The following LRCH1 variants were observed in gnomAD, a reference collection of about 807,000 sequenced individuals.
LRCH1 encodes leucine rich repeats and calponin homology domain containing 1.
Under a neutral mutation model 94.9 loss-of-function variants are expected in LRCH1, and 23 were observed. The ratio of observed to expected loss-of-function variants is 0.24; its 90% confidence interval spans 0.17 to 0.34. The LOEUF (loss-of-function observed/expected upper bound fraction) is 0.34. Among genes scored for constraint, LRCH1 ranks in the 10% least tolerant of loss-of-function variants. The pLI, the probability that LRCH1 is intolerant of heterozygous loss-of-function variation, is 1.00. For missense variants in LRCH1, 790 were observed against 945.9 expected (o/e 0.84, Z 2.16); for synonymous variants, 364 against 354.9 (o/e 1.03, Z -0.29).
chr13:46,687,148 G>A (rs762261092), intron 5 of LRCH1, among the ~76,000 whole-genome samples: 19 of 151,784 alleles, frequency 1.3e-4, no homozygotes, highest in Admixed American at 2.6e-4. Flanking sequence ...TAGTAGAGAC[G>A]AGATTTCACC....
At chr13:46,644,957 G>A (rs1289804966) in intron 1 of LRCH1, among the ~76,000 whole-genome samples, 2 of 152,198 alleles carry the variant, frequency 1.3e-5, no homozygotes, top group African/African-American at 4.8e-5. Flanking sequence ...TCAGCTAGCA[G>A]GACTAATCTC....
At chr13:46,683,652 TTTGCAA>T (rs1342412806) in intron 4 of LRCH1, among the ~76,000 whole-genome samples, 1 of 152,212 alleles carries the variant, frequency 6.6e-6, no homozygotes, top group African/African-American at 2.4e-5. Flanking sequence ...ATTTGATCAT[TTTGCAA>T]TTGCCTGTCA....
At chr13:46,722,166 A>G (rs1416027612) in intron 16 of LRCH1, among the ~76,000 whole-genome samples, 2 of 152,214 alleles carry the variant, frequency 1.3e-5, no homozygotes, top group Non-Finnish European at 2.9e-5. Context: ...TTAAATCATC[A>G]TGATTGAAAC....
At chr13:46,695,260 A>G (rs1316934658) in intron 9 of LRCH1, among the ~76,000 whole-genome samples, 4 of 152,226 alleles carry the variant, frequency 2.6e-5, no homozygotes, top group African/African-American at 7.2e-5. Flanking sequence ...TACTCAGTGC[A>G]TCGTACAAAT....
intron 1 of LRCH1, among the ~76,000 whole-genome samples, chr13:46,604,146 A>C (rs1433543399): frequency 6.6e-6 from 1 of 152,220 alleles, no homozygotes; most frequent in Non-Finnish European, 1.5e-5. Context: ...ATAAATAACT[A>C]CTTTTTTTTT....
chr13:46,635,894 A>C (rs1167524646), intron 1 of LRCH1, among the ~76,000 whole-genome samples: 9 of 151,390 alleles, frequency 5.9e-5, no homozygotes, highest in African/African-American at 2.2e-4. Flanking sequence ...CTTCCCCCAT[A>C]CCATGCCCCT....
intron 1 of LRCH1, among the ~76,000 whole-genome samples, chr13:46,592,232 A>G (rs1173131669): frequency 6.6e-6 from 1 of 152,154 alleles, no homozygotes; most frequent in East Asian, 1.9e-4. Flanking sequence ...TCAAAACAGG[A>G]GTATTCCTGA....
chr13:46,626,909 T>C (rs1449372175), intron 1 of LRCH1, among the ~76,000 whole-genome samples: 1 of 152,244 alleles, frequency 6.6e-6, no homozygotes, highest in Non-Finnish European at 1.5e-5. Flanking sequence ...ACTTCCTGTT[T>C]TATTATAAAT....
At chr13:46,634,122 C>T (rs2051053055) in intron 1 of LRCH1, among the ~76,000 whole-genome samples, 1 of 152,180 alleles carries the variant, frequency 6.6e-6, no homozygotes. Flanking sequence ...TCGTGATCTG[C>T]CCGCCTCAGC....
intron 13 of LRCH1, among the ~76,000 whole-genome samples, chr13:46,706,767 A>AAT (rs56070792): frequency 1.3e-5 from 2 of 151,480 alleles, no homozygotes; most frequent in African/African-American, 4.9e-5. Context: ...AGTTGTAAAA[A>AAT]TTTGCAGTGT....
At chr13:46,597,386 T>TA (rs2050576355) in intron 1 of LRCH1, among the ~76,000 whole-genome samples, 3 of 152,060 alleles carry the variant, frequency 2.0e-5, no homozygotes, top group Admixed American at 1.3e-4. Flanking sequence ...GATGGAGTCT[T>TA]ACTCTTGTCG....
intron 1 of LRCH1, among the ~76,000 whole-genome samples, chr13:46,589,156 C>T (rs1028526193): frequency 1.3e-5 from 2 of 152,028 alleles, no homozygotes; most frequent in African/African-American, 4.8e-5. Flanking sequence ...CCCACCTCAG[C>T]CTCCCAAGTA....
At chr13:46,748,037 C>T (rs1263652373), downstream of LRCH1, among the ~76,000 whole-genome samples, 3 of 152,194 alleles carry the variant, frequency 2.0e-5, no homozygotes. Context: ...CCACCATACA[C>T]ATTGTTCCCT....
intron 16 of LRCH1, chr13:46,717,721 C>A (rs1188882487): frequency 6.6e-6 from 1 of 152,148 alleles, no homozygotes; most frequent in Non-Finnish European, 1.5e-5. Context: ...TTTATTTATA[C>A]ATTTAGTTAT....
chr13:46,573,866 A>ATATATATATATATATATATATATATT lies in LRCH1; in HGVS notation c.307+20164_307+20165insATATATATATATATATATATATATTT. The stretch of plus-strand genomic sequence containing the variant: ...GTCAAATATATATATATATATATAT[A>ATATATATATATATATATATATATATT]TTTTTTTTTTTTTTGAGATGGAGTC... On this transcript the variant is annotated intron_variant, in intron 1 of 19. Coordinates refer to ENST00000389797, the MANE Select transcript of LRCH1 (RefSeq NM_001164211.2). Among the ~76,000 whole-genome samples, 285 of 63,138 alleles carry ATATATATATATATATATATATATATT rather than the reference A, an allele frequency of 4.5e-3. 4 individuals carry two copies. Among genetic ancestry groups the ATATATATATATATATATATATATATT allele is most frequent in the Middle Eastern group, 9.4e-3 (1 of 106 alleles). The allele number at this position is 63,138 out of a possible 152,430, so 41.4% of individuals were successfully genotyped here.
Position 46,649,963 on chromosome 13 carries a change from A to G in LRCH1, c.308-238A>G, listed in dbSNP as rs940890225. On this transcript the variant is annotated intron_variant, in intron 1 of 19. Coordinates refer to ENST00000389797, the MANE Select transcript of LRCH1 (RefSeq NM_001164211.2). ...TTTTAGTTACAGTAAAAAGTTCTTT[A>G]GAGAGCTAAAAAGTTTTAGTGGTAT... Among the ~76,000 whole-genome samples, 41 of 152,210 alleles carry G rather than the reference A, an allele frequency of 2.7e-4. 1 individual carries two copies. The highest frequency in any genetic ancestry group is 6.5e-5 in the Admixed American group (1 of 15,280).
chr13:46,632,216 A>T (rs1235249430), intron 1 of LRCH1, among the ~76,000 whole-genome samples: 2 of 152,106 alleles, frequency 1.3e-5, no homozygotes, highest in African/African-American at 4.8e-5. Flanking sequence ...AAAAAAAACA[A>T]ACCTAAATTC....
At chr13:46,695,592 G>A (rs1871141148) in intron 9 of LRCH1, among the ~76,000 whole-genome samples, 1 of 152,206 alleles carries the variant, frequency 6.6e-6, no homozygotes, top group Non-Finnish European at 1.5e-5. Context: ...GATACTGAAG[G>A]TTCTACTTCA....
chr13:46,750,702 G>GA (rs1874091850), exon 19 of LRCH1: 2 of 1,299,810 alleles, frequency 1.5e-6, no homozygotes, highest in South Asian at 2.6e-5. Context: ...CCAGGATCCT[G>GA]AACTCTGCTC....
Sources: gnomAD v4.1 joint callset for allele counts (sites outside exome capture counted in the v4.1 genomes callset) on GRCh38, gnomAD v4.1.1 for gene constraint, MANE v1.5 for transcripts, NCBI Gene and HGNC (gene_info 2026-07-23, HGNC 2026-07-21) for gene names.